The following ZBBX variants were observed in gnomAD, a reference collection of about 807,000 sequenced individuals.
ZBBX encodes zinc finger B-box domain containing.
In ZBBX, 101 loss-of-function variants were observed where a neutral mutation model predicts 108.5. That is an observed-to-expected ratio of 0.93 (90% CI 0.79 to 1.10). The LOEUF is 1.10. Ranked by LOEUF, ZBBX falls within the 50% of genes least tolerant of loss-of-function variation. The probability of loss-of-function intolerance (pLI) is 0.00; values close to 1 mark genes in which losing one functional copy is unlikely to be tolerated. For synonymous variants in ZBBX, 356 were observed against 323.4 expected (o/e 1.10, Z -1.08); for missense variants, 1,009 against 941.4 (o/e 1.07, Z -0.94).
At chr3:167,201,918 A>G in the ZBBX span, among the ~76,000 whole-genome samples, 1 of 152,178 alleles carries the variant, frequency 6.6e-6, no homozygotes, top group Non-Finnish European at 1.5e-5. Flanking sequence ...TCTTCATCTA[A>G]ACAGACCACC....
intron 16 of ZBBX, among the ~76,000 whole-genome samples, chr3:167,307,256 T>C (rs1163709855): frequency 1.3e-5 from 2 of 152,032 alleles, no homozygotes; most frequent in East Asian, 1.9e-4. Flanking sequence ...CAACATAATA[T>C]TGGAAGTCCT....
the ZBBX span, among the ~76,000 whole-genome samples, chr3:167,231,967 A>G: frequency 6.6e-6 from 1 of 151,842 alleles, no homozygotes; most frequent in Non-Finnish European, 1.5e-5. Flanking sequence ...TTTTACTTCT[A>G]CTTTCCAGAG....
rs201813532 is a variant in ZBBX, at chr3:167,284,188, ATATC to A, written c.1997-1697_1997-1694del. ...GCCTAAGTGTTAAAAACATATATCT[ATATC>A]TATATATATATATAATTATCCCTGA... On this transcript the variant is annotated intron_variant, in intron 19 of 21. Transcript: ENST00000675490. Among the ~76,000 whole-genome samples, 947 of 120,536 alleles carry A rather than the reference ATATC, an allele frequency of 7.9e-3. 10 individuals carry two copies. Among genetic ancestry groups the A allele is most frequent in the African/African-American group, 0.03 (880 of 29,090 alleles). The allele number at this position is 120,536 out of a possible 152,430, so 79.1% of individuals were successfully genotyped here.
chr3:167,306,332 T>C (rs546875626), intron 16 of ZBBX, among the ~76,000 whole-genome samples: 18 of 152,310 alleles, frequency 1.2e-4, no homozygotes, highest in African/African-American at 3.6e-4. Context: ...TTTTTTCATT[T>C]TGCCATTTTT....
intron 10 of ZBBX, among the ~76,000 whole-genome samples, chr3:167,329,816 A>G (rs1462378275): frequency 2.6e-5 from 4 of 152,180 alleles, no homozygotes; most frequent in African/African-American, 9.7e-5. Flanking sequence ...CCCATTGGAC[A>G]TGTAAAACCA....
At chr3:167,251,316 A>G (rs1213579062) in intron 20 of ZBBX, among the ~76,000 whole-genome samples, 1 of 152,192 alleles carries the variant, frequency 6.6e-6, no homozygotes, top group Non-Finnish European at 1.5e-5. Context: ...CCTTGTGACA[A>G]GGTAGAGGGT....
intron 7 of ZBBX, 128 bp from the exon 8 acceptor site, chr3:167,360,107 T>C (rs1419486829): frequency 7.4e-6 from 2 of 269,672 alleles, no homozygotes; most frequent in South Asian, 1.5e-4. Context: ...GAACAAATTC[T>C]AAACATTTAT....
At chr3:167,289,718 C>T (rs569579559) in intron 18 of ZBBX, among the ~76,000 whole-genome samples, 2 of 152,154 alleles carry the variant, frequency 1.3e-5, no homozygotes, top group Non-Finnish European at 2.9e-5. Context: ...ATTTCTCATA[C>T]CCGAGTGGCA....
At chr3:167,377,451 T>C (rs187418892) in intron 2 of ZBBX, among the ~76,000 whole-genome samples, 1 of 152,278 alleles carries the variant, frequency 6.6e-6, no homozygotes, top group Admixed American at 6.5e-5. Flanking sequence ...TTAAAAACCA[T>C]ACCATAAATA....
At chr3:167,393,055 A>G (rs1371198147) in intron 1 of ZBBX, among the ~76,000 whole-genome samples, 1 of 151,804 alleles carries the variant, frequency 6.6e-6, no homozygotes, top group Non-Finnish European at 1.5e-5. Context: ...CCAAGATGTA[A>G]GTATAACTAG....
At chr3:167,293,550 A>T (rs1453854088) in intron 18 of ZBBX, among the ~76,000 whole-genome samples, 2 of 152,218 alleles carry the variant, frequency 1.3e-5, no homozygotes, top group African/African-American at 4.8e-5. Context: ...ATATCTCAAA[A>T]TAATAAGAGA....
intron 20 of ZBBX, chr3:167,252,347 T>C: frequency 2.2e-6 from 1 of 464,940 alleles, no homozygotes; most frequent in Non-Finnish European, 3.7e-6. Flanking sequence ...CCTCATGAAG[T>C]TTTTCCAGAC....
At chr3:167,313,856 T>C in intron 16 of ZBBX, 118 bp downstream of exon 16, 1 of 897,984 alleles carries the variant, frequency 1.1e-6, no homozygotes, top group Non-Finnish European at 1.6e-6. Flanking sequence ...TAATTTTCAT[T>C]TTAGTACTGA....
chr3:167,290,218 T>C (rs1434451599), intron 18 of ZBBX, among the ~76,000 whole-genome samples: 3 of 152,164 alleles, frequency 2.0e-5, no homozygotes, highest in Non-Finnish European at 4.4e-5. Context: ...GTCTGAGCTC[T>C]GATAAGGATC....
chr3:167,377,000 T>C (rs1747058774), intron 2 of ZBBX, among the ~76,000 whole-genome samples: 1 of 152,210 alleles, frequency 6.6e-6, no homozygotes, highest in African/African-American at 2.4e-5. Context: ...GCAAAACTTA[T>C]ACTTCCTTGT....
At position 167,302,366 on chromosome 3, in the gene ZBBX, T is replaced by A. The variant is rs1170240178; in HGVS notation, c.1725+3277A>T. Reference sequence around the variant, plus strand: ...TTGATAGGTACATACAAATTCAGATTTCCTTTAATCTTTCTATTAAATAGT... The same window carrying A: ...TTGATAGGTACATACAAATTCAGATATCCTTTAATCTTTCTATTAAATAGT... On this transcript the variant is annotated intron_variant, in intron 17 of 21. Transcript: ENST00000675490. Among the ~76,000 whole-genome samples the A allele has an allele frequency of 3.3e-5, 5 of 152,302 alleles. No homozygotes were observed. The South Asian group carries it at 1.0e-3, about 32-fold the overall frequency.
intron 20 of ZBBX, among the ~76,000 whole-genome samples, chr3:167,268,461 C>A (rs1725957690): frequency 6.6e-6 from 1 of 151,872 alleles, no homozygotes; most frequent in Non-Finnish European, 1.5e-5. Flanking sequence ...AATAACCCAG[C>A]TCACTTGGAA....
At chr3:167,198,584 A>C in the ZBBX span, among the ~76,000 whole-genome samples, 1 of 152,188 alleles carries the variant, frequency 6.6e-6, no homozygotes, top group East Asian at 1.9e-4. Context: ...TGATTGTGAA[A>C]GAGTCTTGTC....
chr3:167,202,226 C>T, the ZBBX span, among the ~76,000 whole-genome samples: 13 of 152,032 alleles, frequency 8.6e-5, no homozygotes, highest in African/African-American at 3.1e-4. Context: ...CATATAATGG[C>T]ATAAAGTTCC....
Sources: allele counts gnomAD v4.1 joint callset (sites outside exome capture counted in the v4.1 genomes callset), GRCh38; gene constraint gnomAD v4.1.1; transcripts MANE v1.5; gene names NCBI Gene and HGNC (gene_info 2026-07-23, HGNC 2026-07-21).